Variants in VTI1A observed in about 807,000 individuals in gnomAD.
The protein encoded by VTI1A is vesicle transport through interaction with t-SNAREs 1A.
A neutral mutation model predicts 34.9 loss-of-function variants in VTI1A; 22 were observed. The observed-to-expected ratio is 0.63, with a 90% CI of 0.45 to 0.90. The LOEUF (loss-of-function observed/expected upper bound fraction) is 0.90. VTI1A is among the 40% of genes least tolerant of loss of function. VTI1A has a pLI of 0.00. For synonymous variants in VTI1A, 87 were observed against 97.3 expected (o/e 0.89, Z 0.62); for missense variants, 268 against 275.6 (o/e 0.97, Z 0.20).
At chr10:112,498,302 CTAT>C (rs1849099092) in intron 3 of VTI1A, among the ~76,000 whole-genome samples, 1 of 152,064 alleles carries the variant, frequency 6.6e-6, no homozygotes, top group Non-Finnish European at 1.5e-5. Flanking sequence ...TTCTGAAGTG[CTAT>C]TATTCTATGA....
chr10:112,736,926 G>C, intron 7 of VTI1A: 1 of 643,218 alleles, frequency 1.6e-6, no homozygotes, highest in South Asian at 1.8e-5. Context: ...TACTTGGCAA[G>C]GATGCTATCA....
intron 3 of VTI1A, among the ~76,000 whole-genome samples, chr10:112,510,195 G>T (rs968432440): frequency 1.3e-5 from 2 of 152,198 alleles, no homozygotes; most frequent in Non-Finnish European, 2.9e-5. Flanking sequence ...TAAGAGCACG[G>T]TAAAAGATCT....
intron 3 of VTI1A, chr10:112,485,263 C>T (rs1848582087): frequency 6.7e-6 from 1 of 149,624 alleles, no homozygotes; most frequent in African/African-American, 2.5e-5. Flanking sequence ...GCCTGGGCGA[C>T]AAGAGCGAAA....
chr10:112,499,064 C>G (rs948950674), intron 3 of VTI1A, among the ~76,000 whole-genome samples: 5 of 152,076 alleles, frequency 3.3e-5, no homozygotes, highest in African/African-American at 1.2e-4. Flanking sequence ...CTTATCTAGT[C>G]TGTATCCTGT....
chr10:112,451,328 G>T lies in VTI1A; in HGVS notation c.94+3861G>T, dbSNP rs533261844. On this transcript the variant is annotated intron_variant, in intron 1 of 7. Transcript: ENST00000393077. ...CACCCTTCTTACACAGAGAAAACAC[G>T]TGATATACTAGCCATTAATGATATT... 3.9e-5 allele frequency among the ~76,000 whole-genome samples: 6 copies of T among 152,264 alleles called. No individual in the cohort carries two copies. In the East Asian group the frequency reaches 9.6e-4, roughly 24 times the overall value.
chr10:112,572,087 A>G (rs1485077161), intron 5 of VTI1A, among the ~76,000 whole-genome samples: 3 of 152,198 alleles, frequency 2.0e-5, no homozygotes, highest in African/African-American at 7.2e-5. Context: ...GCATCACACC[A>G]TATACTAATG....
chr10:112,653,842 C>G (rs11196035), intron 5 of VTI1A, among the ~76,000 whole-genome samples: 5 of 152,114 alleles, frequency 3.3e-5, no homozygotes, highest in Admixed American at 6.6e-5. Flanking sequence ...TGTTTCCCCC[C>G]CAAAATAAGT....
intron 5 of VTI1A, among the ~76,000 whole-genome samples, chr10:112,618,628 A>G (rs1367401308): frequency 6.6e-6 from 1 of 151,052 alleles, no homozygotes; most frequent in Non-Finnish European, 1.5e-5. Context: ...AAGGGTTGTC[A>G]GAAGAGACTT....
chr10:112,654,378 A>G (rs1847147684), intron 5 of VTI1A, among the ~76,000 whole-genome samples: 1 of 152,208 alleles, frequency 6.6e-6, no homozygotes. Context: ...ATTTGAGCTC[A>G]GTTTAGATCT....
At chr10:112,493,479 T>C (rs1380473431) in intron 3 of VTI1A, among the ~76,000 whole-genome samples, 3 of 152,136 alleles carry the variant, frequency 2.0e-5, no homozygotes, top group African/African-American at 7.2e-5. Flanking sequence ...TATTTTTCCC[T>C]TTTTCCACTG....
chr10:112,535,104 T>G (rs1440114997), intron 4 of VTI1A, among the ~76,000 whole-genome samples: 1 of 152,244 alleles, frequency 6.6e-6, no homozygotes, highest in Non-Finnish European at 1.5e-5. Context: ...ATATTTTTTA[T>G]TTTTGTTTGA....
intron 7 of VTI1A, among the ~76,000 whole-genome samples, chr10:112,776,325 T>C (rs1173914701): frequency 6.6e-6 from 1 of 152,192 alleles, no homozygotes; most frequent in Non-Finnish European, 1.5e-5. Flanking sequence ...GTGAACTCCT[T>C]CATTACAGCT....
At chr10:112,807,492 T>G (rs1022462216) in intron 7 of VTI1A, among the ~76,000 whole-genome samples, 4 of 152,142 alleles carry the variant, frequency 2.6e-5, no homozygotes, top group Non-Finnish European at 4.4e-5. Flanking sequence ...CCCCTCTTTG[T>G]CCTCTCTTAA....
At chr10:112,820,016 C>T (rs1853623331), downstream of VTI1A, among the ~76,000 whole-genome samples, 1 of 152,206 alleles carries the variant, frequency 6.6e-6, no homozygotes. Flanking sequence ...CTCTCAGCAT[C>T]ACCCATCCAA....
chr10:112,838,265 C>T, the VTI1A span, among the ~76,000 whole-genome samples: 5 of 152,220 alleles, frequency 3.3e-5, no homozygotes, highest in Non-Finnish European at 7.3e-5. Context: ...GGGCCTGGGA[C>T]AGACCTCGGG....
intron 7 of VTI1A, among the ~76,000 whole-genome samples, chr10:112,679,407 A>G (rs1176511386): frequency 6.6e-6 from 1 of 152,212 alleles, no homozygotes; most frequent in African/African-American, 2.4e-5. Flanking sequence ...CCACCTTGCT[A>G]GTATTAATTG....
intron 5 of VTI1A, among the ~76,000 whole-genome samples, chr10:112,570,882 T>TGA (rs1323777405): frequency 9.9e-5 from 15 of 152,246 alleles, no homozygotes; most frequent in Non-Finnish European, 2.1e-4. Flanking sequence ...AAACATTTAT[T>TGA]GAGTGGTTAC....
chr10:112,557,481 A>C (rs1225917026), intron 5 of VTI1A, among the ~76,000 whole-genome samples: 1 of 152,218 alleles, frequency 6.6e-6, no homozygotes, highest in African/African-American at 2.4e-5. Context: ...ATCTGAATGA[A>C]AAATATTGCT....
intron 5 of VTI1A, among the ~76,000 whole-genome samples, chr10:112,550,216 T>G (rs771257384): frequency 5.3e-5 from 8 of 152,234 alleles, no homozygotes; most frequent in Non-Finnish European, 1.0e-4. Context: ...TACAGCAGAT[T>G]GTGAAAATGA....
Sources: gnomAD v4.1 joint callset for allele counts (sites outside exome capture counted in the v4.1 genomes callset) on GRCh38, gnomAD v4.1.1 for gene constraint, MANE v1.5 for transcripts, NCBI Gene and HGNC (gene_info 2026-07-23, HGNC 2026-07-21) for gene names.